Variants in NELL1 observed in about 807,000 individuals in gnomAD.
NELL1 encodes the protein neural EGFL like 1.
In NELL1, 76 loss-of-function variants were observed where a neutral mutation model predicts 107.4. The observed-to-expected ratio is 0.71, with a 90% CI of 0.59 to 0.86. NELL1 has a LOEUF of 0.86. NELL1 is among the 40% of genes least tolerant of loss of function. The pLI, the probability that NELL1 is intolerant of heterozygous loss-of-function variation, is 0.00. For synonymous variants in NELL1, 353 were observed against 341.2 expected (o/e 1.03, Z -0.38); for missense variants, 1,024 against 1,005.5 (o/e 1.02, Z -0.25).
chr11:21,068,213 G>T (rs1039988105), intron 12 of NELL1, among the ~76,000 whole-genome samples: 1 of 151,832 alleles, frequency 6.6e-6, no homozygotes, highest in Admixed American at 6.6e-5. Context: ...GCAAGAAGGG[G>T]CCCTATTGAT....
At chr11:20,696,720 CT>C (rs1207232452) in intron 2 of NELL1, among the ~76,000 whole-genome samples, 8 of 152,076 alleles carry the variant, frequency 5.3e-5, no homozygotes, top group African/African-American at 4.8e-5. Flanking sequence ...TCATCTGACA[CT>C]GTCACAATAA....
intron 12 of NELL1, among the ~76,000 whole-genome samples, chr11:21,083,600 C>T (rs76842454): frequency 2.0e-5 from 3 of 152,190 alleles, no homozygotes; most frequent in East Asian, 3.9e-4. Context: ...AAAATAACAT[C>T]TAGCCTTTGC....
At chr11:20,910,124 A>G (rs758888939) in intron 5 of NELL1, among the ~76,000 whole-genome samples, 1 of 152,170 alleles carries the variant, frequency 6.6e-6, no homozygotes, top group Non-Finnish European at 1.5e-5. Flanking sequence ...TCTCAGTGCC[A>G]TGGTGATTAA....
At chr11:20,737,665 T>C (rs540315365) in intron 2 of NELL1, among the ~76,000 whole-genome samples, 19 of 152,080 alleles carry the variant, frequency 1.2e-4, no homozygotes, top group African/African-American at 4.6e-4. Context: ...ATAGTTAGCA[T>C]TATTATTATT....
intron 16 of NELL1, among the ~76,000 whole-genome samples, chr11:21,551,154 G>A (rs1856573491): frequency 6.6e-6 from 1 of 151,694 alleles, no homozygotes; most frequent in South Asian, 2.1e-4. Context: ...TCTGTTATTG[G>A]TGTATAAGAA....
intron 15 of NELL1, among the ~76,000 whole-genome samples, chr11:21,381,962 G>GT (rs1470606621): frequency 8.2e-6 from 1 of 122,446 alleles, no homozygotes; most frequent in Non-Finnish European, 1.6e-5. Context: ...ATCTCTTGGA[G>GT]TTAAAATTGA....
chr11:21,236,961 A>C (rs537457143), intron 14 of NELL1, among the ~76,000 whole-genome samples: 1 of 152,324 alleles, frequency 6.6e-6, no homozygotes, highest in East Asian at 1.9e-4. Context: ...TAGGGACTGC[A>C]GATTGGCCAT....
At chr11:20,682,944 T>G (rs1854224130) in intron 2 of NELL1, among the ~76,000 whole-genome samples, 1 of 152,120 alleles carries the variant, frequency 6.6e-6, no homozygotes, top group African/African-American at 2.4e-5. Context: ...AATATATAGT[T>G]GGAGGCTAAC....
At chr11:21,231,930 A>T (rs1290503370) in intron 14 of NELL1, among the ~76,000 whole-genome samples, 4 of 152,004 alleles carry the variant, frequency 2.6e-5, no homozygotes, top group Admixed American at 2.6e-4. Flanking sequence ...TGTACTCTTC[A>T]CACCTTCTTT....
At chr11:21,436,808 T>C (rs1853134940) in intron 15 of NELL1, among the ~76,000 whole-genome samples, 1 of 152,158 alleles carries the variant, frequency 6.6e-6, no homozygotes. Context: ...GGTTTTGGTA[T>C]GTTATGTTTC....
chr11:21,202,701 C>T (rs966903147), intron 13 of NELL1, among the ~76,000 whole-genome samples: 2 of 152,150 alleles, frequency 1.3e-5, no homozygotes, highest in South Asian at 2.1e-4. Flanking sequence ...TTCTCTAGTT[C>T]ATTTAATTGT....
intron 15 of NELL1, among the ~76,000 whole-genome samples, chr11:21,446,153 A>T (rs900943172): frequency 2.6e-5 from 4 of 151,896 alleles, no homozygotes; most frequent in African/African-American, 9.7e-5. Context: ...TCAGTATGTT[A>T]ATTGCATTTT....
intron 1 of NELL1, 35 bp from the exon 2 acceptor site, chr11:20,677,897 A>G: frequency 6.2e-7 from 1 of 1,611,498 alleles, no homozygotes; most frequent in East Asian, 2.2e-5. Context: ...AACAGTCTGC[A>G]TTTTAAGCCC....
intron 14 of NELL1, among the ~76,000 whole-genome samples, chr11:21,287,660 C>G (rs1380910338): frequency 6.6e-6 from 1 of 152,140 alleles, no homozygotes; most frequent in African/African-American, 2.4e-5. Context: ...TTCCTTTCTT[C>G]TTCATTAGAT....
At chr11:21,091,539 A>G (rs906096359) in intron 12 of NELL1, among the ~76,000 whole-genome samples, 1 of 152,206 alleles carries the variant, frequency 6.6e-6, no homozygotes, top group Non-Finnish European at 1.5e-5. Context: ...TCTAGGGTCT[A>G]CTGTTATCTC....
At chr11:20,716,857 C>T (rs7941620) in intron 2 of NELL1, among the ~76,000 whole-genome samples, 20,119 of 152,226 alleles carry the variant, frequency 0.13, 1,397 homozygotes, top group African/African-American at 0.15. Context: ...GTAGCAAACA[C>T]TCAGTGAGTG....
At chr11:20,767,890 T>C (rs1467446257) in intron 2 of NELL1, among the ~76,000 whole-genome samples, 1 of 152,134 alleles carries the variant, frequency 6.6e-6, no homozygotes, top group Non-Finnish European at 1.5e-5. Flanking sequence ...AGTAAACAAG[T>C]ATACTAATAA....
At chr11:21,425,876 C>T (rs1230933822) in intron 15 of NELL1, among the ~76,000 whole-genome samples, 1 of 151,752 alleles carries the variant, frequency 6.6e-6, no homozygotes, top group African/African-American at 2.4e-5. Context: ...ACAAGGGAGA[C>T]AATAGAAAAT....
chr11:20,772,551 G>A (rs748505149), intron 2 of NELL1, among the ~76,000 whole-genome samples: 2 of 152,026 alleles, frequency 1.3e-5, no homozygotes, highest in African/African-American at 2.4e-5. Context: ...TCTAGATATG[G>A]GCATTTTTTT....
Sources: allele counts gnomAD v4.1 joint callset (sites outside exome capture counted in the v4.1 genomes callset), GRCh38; gene constraint gnomAD v4.1.1; transcripts MANE v1.5; gene names NCBI Gene and HGNC (gene_info 2026-07-23, HGNC 2026-07-21).